Variants in POU6F2 observed in about 807,000 individuals in gnomAD.
The protein encoded by POU6F2 is POU class 6 homeobox 2.
POU6F2 carries 31 observed loss-of-function variants against 71.3 expected under a neutral mutation model. The ratio of observed to expected loss-of-function variants is 0.43; its 90% CI spans 0.33 to 0.59. The LOEUF (loss-of-function observed/expected upper bound fraction) is 0.59. Ranked by LOEUF, POU6F2 falls within the 20% of genes least tolerant of loss-of-function variation. The pLI is 0.04. For synonymous variants in POU6F2, 347 were observed against 355.7 expected (o/e 0.98, Z 0.27); for missense variants, 783 against 856.8 (o/e 0.91, Z 1.07).
At chr7:39,126,048 A>G (rs1792132029) in intron 2 of POU6F2, among the ~76,000 whole-genome samples, 1 of 152,158 alleles carries the variant, frequency 6.6e-6, no homozygotes, top group South Asian at 2.1e-4. Flanking sequence ...TAATTTCTTT[A>G]CATTGTTCAG....
intron 2 of POU6F2, among the ~76,000 whole-genome samples, chr7:39,197,897 AGCTGGCCTGTG>A (rs564101885): frequency 6.6e-6 from 1 of 152,306 alleles, no homozygotes; most frequent in East Asian, 1.9e-4. Context: ...GAAGGCCTGG[AGCTGGCCTGTG>A]GGAGATACAA....
chr7:39,015,507 TTATATATATA>T (rs1789460299), intron 1 of POU6F2, among the ~76,000 whole-genome samples: 1 of 61,752 alleles, frequency 1.6e-5, no homozygotes, highest in South Asian at 4.3e-4. Context: ...TTATATATTA[TTATATATATA>T]ATATATCTAT....
At chr7:39,153,556 TA>T (rs1792802611) in intron 2 of POU6F2, among the ~76,000 whole-genome samples, 8 of 152,212 alleles carry the variant, frequency 5.3e-5, no homozygotes, top group Admixed American at 4.6e-4. Flanking sequence ...TATTTCAGGG[TA>T]AATCAGTGAA....
At chr7:39,135,739 C>T (rs1484464310) in intron 2 of POU6F2, among the ~76,000 whole-genome samples, 1 of 152,034 alleles carries the variant, frequency 6.6e-6, no homozygotes, top group Non-Finnish European at 1.5e-5. Context: ...GAAATGAATT[C>T]TCACTGTCAC....
chr7:39,141,273 G>C (rs1792494567), intron 2 of POU6F2, among the ~76,000 whole-genome samples: 1 of 152,168 alleles, frequency 6.6e-6, no homozygotes, highest in African/African-American at 2.4e-5. Flanking sequence ...GATTGAATGA[G>C]TAACATAGTC....
At chr7:39,031,733 T>A (rs181197309) in intron 1 of POU6F2, among the ~76,000 whole-genome samples, 17 of 152,010 alleles carry the variant, frequency 1.1e-4, no homozygotes, top group Non-Finnish European at 4.4e-5. Flanking sequence ...ATAAAAAAAT[T>A]TGCCAGGCAT....
intron 4 of POU6F2, among the ~76,000 whole-genome samples, chr7:39,329,996 T>C (rs1349481432): frequency 6.6e-6 from 1 of 152,210 alleles, no homozygotes; most frequent in African/African-American, 2.4e-5. Flanking sequence ...ATCAATGTAA[T>C]ACATGCATGT....
chr7:39,347,420 G>A (rs1026327525), intron 5 of POU6F2, among the ~76,000 whole-genome samples: 3 of 152,106 alleles, frequency 2.0e-5, no homozygotes, highest in South Asian at 2.1e-4. Context: ...AGAGAGGTAC[G>A]GGGCATTTCT....
In POU6F2 at chr7:39,343,148, T is replaced by A. The variant is rs1425175744; in HGVS notation, c.972+3133T>A. 3.9e-5 allele frequency among the ~76,000 whole-genome samples: 6 copies of A among 152,166 alleles called. No individual in the cohort carries two copies. In the East Asian group the frequency reaches 1.2e-3, roughly 29 times the overall value. ...GGCAGAGGTCTTCAGGGCCTAGCAG[T>A]CCCTGTAAATAAGTAAAGTAATCTT... On this transcript the variant is annotated intron_variant, in intron 5 of 9. Transcript: ENST00000518318.
chr7:39,167,579 C>G (rs1584578994), intron 2 of POU6F2, among the ~76,000 whole-genome samples: 1 of 152,088 alleles, frequency 6.6e-6, no homozygotes. Context: ...TAAGTCGGTA[C>G]TACAAACTTT....
At chr7:39,239,413 T>A (rs1181270959) in intron 4 of POU6F2, among the ~76,000 whole-genome samples, 1 of 152,304 alleles carries the variant, frequency 6.6e-6, no homozygotes, top group South Asian at 2.1e-4. Context: ...AGAATATTTA[T>A]GGTTTTTATT....
chr7:39,442,581 A>T (rs1021745912), intron 7 of POU6F2, among the ~76,000 whole-genome samples: 1 of 152,094 alleles, frequency 6.6e-6, no homozygotes, highest in African/African-American at 2.4e-5. Flanking sequence ...TGGTTTATTT[A>T]TTTCACTATT....
intron 4 of POU6F2, among the ~76,000 whole-genome samples, chr7:39,256,139 T>G (rs1430966070): frequency 5.2e-5 from 1 of 19,094 alleles, no homozygotes; most frequent in African/African-American, 2.6e-4. Flanking sequence ...ATACACTGCT[T>G]TTTTTTTTTT....
intron 5 of POU6F2, among the ~76,000 whole-genome samples, chr7:39,349,623 A>G (rs1192096224): frequency 1.3e-5 from 2 of 152,208 alleles, no homozygotes; most frequent in Non-Finnish European, 2.9e-5. Flanking sequence ...TGAAATCTGT[A>G]TGGTAAGCCA....
intron 6 of POU6F2, among the ~76,000 whole-genome samples, chr7:39,407,035 T>A (rs2115898496): frequency 6.6e-6 from 1 of 152,234 alleles, no homozygotes; most frequent in South Asian, 2.1e-4. Context: ...GGGCATTCTT[T>A]CAAAAAGAAA....
chr7:39,092,357 A>G (rs1396092085), intron 2 of POU6F2, among the ~76,000 whole-genome samples: 10 of 152,128 alleles, frequency 6.6e-5, no homozygotes. Flanking sequence ...TTCTGTACTT[A>G]GCTGGTGTTT....
chr7:39,408,984 A>C (rs1787493684), intron 6 of POU6F2, among the ~76,000 whole-genome samples: 1 of 152,164 alleles, frequency 6.6e-6, no homozygotes, highest in Non-Finnish European at 1.5e-5. Flanking sequence ...AGATAGGCAA[A>C]AATTTTGTGT....
chr7:39,375,995 A>G (rs1339362410), intron 5 of POU6F2, among the ~76,000 whole-genome samples: 1 of 152,176 alleles, frequency 6.6e-6, no homozygotes, highest in Admixed American at 6.5e-5. Flanking sequence ...TGGGCAAGCT[A>G]CTTAAATTCT....
intron 2 of POU6F2, among the ~76,000 whole-genome samples, chr7:39,120,311 C>T (rs1792014274): frequency 6.6e-6 from 1 of 152,134 alleles, no homozygotes; most frequent in African/African-American, 2.4e-5. Context: ...GCCTGTGTAT[C>T]TGATTCTAAT....
Sources: allele counts gnomAD v4.1 joint callset (sites outside exome capture counted in the v4.1 genomes callset), GRCh38; gene constraint gnomAD v4.1.1; transcripts MANE v1.5; gene names NCBI Gene and HGNC (gene_info 2026-07-23, HGNC 2026-07-21).